PAPPA: variants seen among roughly 807,000 people sequenced by gnomAD.
The protein encoded by PAPPA is pappalysin-1.
In PAPPA, 60 loss-of-function variants were observed where a neutral mutation model predicts 164.0. The ratio of observed to expected loss-of-function variants is 0.37; its 90% CI spans 0.30 to 0.45. PAPPA has a LOEUF of 0.45. Among genes scored for constraint, PAPPA ranks in the 20% least tolerant of loss-of-function variants. The probability of loss-of-function intolerance (pLI) is 1.00; values close to 1 mark genes in which losing one functional copy is unlikely to be tolerated. For synonymous variants in PAPPA, 875 were observed against 814.1 expected, an observed-to-expected ratio of 1.07 and a Z score of -1.27; for missense variants, 1,782 against 2,087.3, an observed-to-expected ratio of 0.85 and a Z score of 2.85.
intron 1 of PAPPA, among the ~76,000 whole-genome samples, chr9:116,155,847 G>C (rs62574175): frequency 6.6e-6 from 1 of 151,622 alleles, no homozygotes; most frequent in Non-Finnish European, 1.5e-5. Flanking sequence ...AAAGGAGAGC[G>C]ATACAGTGAT....
At chr9:116,331,204 C>T (rs754220465) in intron 10 of PAPPA, 40 bp from the exon 11 acceptor site, 18 of 1,255,716 alleles carry the variant, frequency 1.4e-5, no homozygotes, top group East Asian at 2.3e-5. Flanking sequence ...ACTTCTGACA[C>T]TCTCTAAAAC....
intron 19 of PAPPA, among the ~76,000 whole-genome samples, chr9:116,371,183 A>AAGGCAG (rs55893490): frequency 0.41 from 62,854 of 151,610 alleles, 13,279 homozygotes; most frequent in African/African-American, 0.5. Flanking sequence ...TTGTGAGGCC[A>AAGGCAG]AGGCAGGTGA....
intron 4 of PAPPA, among the ~76,000 whole-genome samples, chr9:116,215,446 A>G (rs1457067269): frequency 1.3e-5 from 2 of 152,222 alleles, no homozygotes; most frequent in Non-Finnish European, 2.9e-5. Context: ...TTTCAGGGAC[A>G]TGGTTGGAGC....
chr9:116,154,656 G>A lies in PAPPA; in HGVS notation c.415+69G>A. 1.6e-6 allele frequency: 2 copies of A among 1,255,498 alleles called. No individual in the cohort carries two copies. The highest frequency in any genetic ancestry group is 2.0e-6 in the Non-Finnish European group (2 of 999,512). The allele number at this position is 1,255,498 out of a possible 1,614,324, so 77.8% of individuals were successfully genotyped here. A position where few individuals can be genotyped will look rare whatever the true frequency, so the allele number is the denominator to read the frequency against. On this transcript the variant is annotated intron_variant, in intron 1 of 21. Transcript: ENST00000328252. This position sits in a 1 kb window ranked among gnomAD's most constrained non-coding sequence, Gnocchi z 5.2. ...CCCAGAGGCTCGCGGGTGTCTGGGC[G>A]CGGGTGGCGGGCGGGTCGGGGGCTT...
Position 116,211,908 on chromosome 9 carries a change from T to C in PAPPA, c.1894T>C (p.Tyr632His), listed in dbSNP as rs935939257. The C allele has an allele frequency of 6.2e-7, 1 of 1,614,048 alleles. No homozygotes were observed. Among genetic ancestry groups the C allele is most frequent in the Non-Finnish European group, 8.5e-7 (1 of 1,179,956 alleles). The change falls in exon 4 of 22, where the codon TAC becomes CAC. Residue 632 changes from tyrosine to histidine, a missense_variant. By Grantham distance (83) the Tyr-to-His change is moderately conservative (BLOSUM62 2). This residue lies in a region of PAPPA where 1,324 missense variants were observed against 1,656.9 expected (regional missense o/e 0.80). Transcript: ENST00000328252. ...CGFHSFFNTP[Y>H]NNFMSYADDD... ...CTTTCATAGCTTCTTCAACACTCCT[T>C]ACAACAACTTCATGAGCTATGCAGG...
intron 1 of PAPPA, among the ~76,000 whole-genome samples, chr9:116,175,638 T>G (rs1260586993): frequency 6.6e-6 from 1 of 152,140 alleles, no homozygotes; most frequent in African/African-American, 2.4e-5. Flanking sequence ...TATTTATCCA[T>G]TCAGCAAATG....
rs1375298975 is a variant in PAPPA, at chr9:116,154,756, T to C, written c.415+169T>C. Among the ~76,000 whole-genome samples the C allele has an allele frequency of 6.6e-6, 1 of 152,008 alleles. No individual in the cohort carries two copies. The highest frequency in any genetic ancestry group is 1.5e-5 in the Non-Finnish European group (1 of 67,992). On this transcript the variant is annotated intron_variant, in intron 1 of 21. Coordinates refer to ENST00000328252, the MANE Select transcript of PAPPA (RefSeq NM_002581.5). The surrounding 1 kb of genome is among the most constrained non-coding windows in gnomAD (Gnocchi z 5.2). The stretch of plus-strand genomic sequence containing the variant: ...GGGCGAGCTGAGAGCCTCACTTTGC[T>C]CCATCGGTGGAATGGGCACACTCGG...
rs1019802573 is a variant in PAPPA at position 116,401,844 on chromosome 9, T to C, written c.*5228T>C. ...TTCTCATAAGAATTCTTCTGGCCTA[T>C]TGTAAAAAAGAAAAAAAAAAAGAAA... On this transcript the variant is annotated 3_prime_UTR_variant, in exon 22 of 22. Transcript: ENST00000328252. 7 of 136,558 alleles carry C rather than the reference T, an allele frequency of 5.1e-5. No individual in the cohort carries two copies. The highest frequency in any genetic ancestry group is 1.1e-4 in the African/African-American group (4 of 37,938). 8.5% of individuals were successfully genotyped at this position (136,558 alleles called of 1,614,324 possible). A position where few individuals can be genotyped will look rare whatever the true frequency, so the allele number is the denominator to read the frequency against.
At chr9:116,162,456 G>A (rs1039527907) in intron 1 of PAPPA, among the ~76,000 whole-genome samples, 1 of 152,156 alleles carries the variant, frequency 6.6e-6, no homozygotes, top group African/African-American at 2.4e-5. Context: ...GCAGTGACCT[G>A]CAGGAGCATA....
intron 13 of PAPPA, among the ~76,000 whole-genome samples, chr9:116,341,976 C>T (rs1846143988): frequency 6.6e-6 from 1 of 152,206 alleles, no homozygotes; most frequent in South Asian, 2.1e-4. Context: ...CGAAGCATTT[C>T]AGATCTTCAT....
intron 21 of PAPPA, among the ~76,000 whole-genome samples, chr9:116,387,175 C>T (rs566202406): frequency 3.9e-5 from 6 of 152,288 alleles, no homozygotes; most frequent in African/African-American, 1.4e-4. Flanking sequence ...TGGCCTGGAT[C>T]TCTGTGCATG....
At chr9:116,203,946 C>T (rs145039299) in intron 2 of PAPPA, among the ~76,000 whole-genome samples, 3 of 152,166 alleles carry the variant, frequency 2.0e-5, no homozygotes, top group East Asian at 1.9e-4. Context: ...AGAACTTGAG[C>T]GGTTGAGGTT....
chr9:116,294,429 G>T (rs1845476124), intron 9 of PAPPA, among the ~76,000 whole-genome samples: 1 of 152,194 alleles, frequency 6.6e-6, no homozygotes, highest in South Asian at 2.1e-4. Flanking sequence ...AGGCTGATCT[G>T]GTTGAGGAGG....
intron 2 of PAPPA, among the ~76,000 whole-genome samples, chr9:116,196,761 C>T (rs1175114892): frequency 1.3e-5 from 2 of 152,292 alleles, no homozygotes; most frequent in African/African-American, 4.8e-5. Context: ...CCTTTCTTCT[C>T]TTTCTCTTTT....
At position 116,351,539 on chromosome 9, in the gene PAPPA, C is replaced by T. The variant is rs138504038; in HGVS notation, c.3965-1167C>T. ...TAGAAAAATTGAGATTTGATGGCTCCGGAATGAATAATAAGGGCCCTGCTG... is the reference window on the plus strand; with the variant it reads ...TAGAAAAATTGAGATTTGATGGCTCTGGAATGAATAATAAGGGCCCTGCTG... On this transcript the variant is annotated intron_variant, in intron 15 of 21. Coordinates refer to ENST00000328252, the MANE Select transcript of PAPPA (RefSeq NM_002581.5). Among the ~76,000 whole-genome samples, 468 of 152,254 alleles carry T rather than the reference C, an allele frequency of 3.1e-3. 13 individuals are homozygous for T. The South Asian group carries it at 0.061, about 20-fold the overall frequency.
chr9:116,345,380 G>A (rs1846193548), intron 14 of PAPPA, among the ~76,000 whole-genome samples: 6 of 148,764 alleles, frequency 4.0e-5, no homozygotes, highest in Admixed American at 3.4e-4. Context: ...TGGGGAGAAG[G>A]AAGAAATATA....
chr9:116,338,569 C>T (rs1379937902), intron 13 of PAPPA, among the ~76,000 whole-genome samples: 4 of 152,182 alleles, frequency 2.6e-5, no homozygotes, highest in Admixed American at 2.6e-4. Flanking sequence ...AATGAAGCTG[C>T]TCTTGGCCAG....
chr9:116,283,308 C>T (rs141249007), intron 9 of PAPPA, among the ~76,000 whole-genome samples: 3 of 152,280 alleles, frequency 2.0e-5, no homozygotes, highest in African/African-American at 7.2e-5. Flanking sequence ...AGTGGAAAGC[C>T]TCTGGTGCAG....
intron 10 of PAPPA, among the ~76,000 whole-genome samples, chr9:116,313,063 A>G (rs1724436702): frequency 6.9e-6 from 1 of 145,744 alleles, no homozygotes. Flanking sequence ...AGCCTAGGTG[A>G]CAGAGTGAGA....
Sources: gnomAD v4.1 joint callset for allele counts (sites outside exome capture counted in the v4.1 genomes callset) on GRCh38, gnomAD v4.1.1 for gene constraint, gnomAD v4.1.1 regional missense constraint, Gnocchi (gnomAD v3.1) non-coding constraint, MANE v1.5 for transcripts, NCBI Gene and HGNC (gene_info 2026-07-23, HGNC 2026-07-21) for gene names.